AK9: variants seen among roughly 807,000 people sequenced by gnomAD.
AK9 encodes adenylate kinase domain containing 1.
In AK9, 191 loss-of-function variants were observed where a neutral mutation model predicts 239.6. The ratio of observed to expected loss-of-function variants is 0.80; its 90% confidence interval spans 0.71 to 0.90. AK9 has a LOEUF of 0.90. Among genes scored for constraint, AK9 ranks in the 40% least tolerant of loss-of-function variants. The pLI is 0.00. For synonymous variants in AK9, 689 were observed against 721.0 expected, an observed-to-expected ratio of 0.96 and a Z score of 0.71; for missense variants, 1,995 against 2,214.7, an observed-to-expected ratio of 0.90 and a Z score of 1.99.
chr6:109,570,219 A>C (rs1219381479), intron 21 of AK9, among the ~76,000 whole-genome samples: 1 of 152,054 alleles, frequency 6.6e-6, no homozygotes, highest in African/African-American at 2.4e-5. Context: ...TCATAGGTGG[A>C]AATTGAACAA....
chr6:109,545,518 C>T (rs1421640823), intron 26 of AK9, among the ~76,000 whole-genome samples: 2 of 152,208 alleles, frequency 1.3e-5, no homozygotes, highest in East Asian at 1.9e-4. Flanking sequence ...TTTCCCTGCA[C>T]AAGCTCTCTC....
At chr6:109,655,682 G>C (rs898788364) in intron 8 of AK9, among the ~76,000 whole-genome samples, 1 of 152,120 alleles carries the variant, frequency 6.6e-6, no homozygotes, top group Non-Finnish European at 1.5e-5. Context: ...TTCTTAAAAA[G>C]ATAACCTCTG....
intron 19 of AK9, among the ~76,000 whole-genome samples, chr6:109,580,733 G>A (rs1034185560): frequency 6.6e-6 from 1 of 152,100 alleles, no homozygotes; most frequent in African/African-American, 2.4e-5. Flanking sequence ...TGTTCCTGCC[G>A]GAAGTCTTGG....
intron 33 of AK9, among the ~76,000 whole-genome samples, chr6:109,507,012 C>G (rs1172046752): frequency 6.6e-6 from 1 of 152,174 alleles, no homozygotes; most frequent in Non-Finnish European, 1.5e-5. Flanking sequence ...CACATCCAAA[C>G]ACAGTTCAGA....
At chr6:109,632,480 G>T in intron 12 of AK9, 1 of 330,548 alleles carries the variant, frequency 3.0e-6, no homozygotes, top group Non-Finnish European at 4.3e-6. Flanking sequence ...TACTGAGAGT[G>T]GAGAACAAGA....
At chr6:109,555,469 G>A (rs1162092419) in intron 24 of AK9, among the ~76,000 whole-genome samples, 1 of 152,226 alleles carries the variant, frequency 6.6e-6, no homozygotes, top group East Asian at 1.9e-4. Flanking sequence ...ATGTGGCACT[G>A]AGAAGAATAT....
intron 8 of AK9, among the ~76,000 whole-genome samples, chr6:109,649,703 A>T (rs577399976): frequency 6.6e-6 from 1 of 152,334 alleles, no homozygotes; most frequent in African/African-American, 2.4e-5. Flanking sequence ...CAAGCTACCA[A>T]TGACTTTCTT....
intron 17 of AK9, among the ~76,000 whole-genome samples, chr6:109,607,768 G>GGT (rs10648225): frequency 0.15 from 22,082 of 145,254 alleles, 2,257 homozygotes; most frequent in East Asian, 0.6. Context: ...CCAGCAGAGG[G>GGT]GTGTGTGTGT....
At chr6:109,603,382 C>G (rs934912451) in intron 17 of AK9, among the ~76,000 whole-genome samples, 4 of 152,230 alleles carry the variant, frequency 2.6e-5, no homozygotes, top group Non-Finnish European at 5.9e-5. Context: ...GGCTGCAGTA[C>G]AGCGAATATT....
At chr6:109,691,116 T>C (rs192233880) in intron 1 of AK9, 31 bp downstream of exon 1, 110 of 503,608 alleles carry the variant, frequency 2.2e-4, no homozygotes, top group African/African-American at 2.0e-3. Context: ...CGTCGACTTT[T>C]TCTCCGCCCA....
At chr6:109,636,995 GC>G (rs1314989713) in intron 10 of AK9, among the ~76,000 whole-genome samples, 6 of 152,094 alleles carry the variant, frequency 3.9e-5, no homozygotes, top group Non-Finnish European at 8.8e-5. Context: ...TTAAACAGCA[GC>G]TGTACCATTT....
intron 24 of AK9, among the ~76,000 whole-genome samples, chr6:109,561,253 GCC>G (rs1785728911): frequency 6.6e-6 from 1 of 150,856 alleles, no homozygotes; most frequent in Non-Finnish European, 1.5e-5. Flanking sequence ...TGCCCAGCTT[GCC>G]TTCGTTTTTA....
intron 29 of AK9, 57 bp from the exon 30 acceptor site, chr6:109,516,699 T>C (rs1779309823): frequency 7.2e-7 from 1 of 1,388,210 alleles, no homozygotes; most frequent in East Asian, 2.5e-5. Context: ...CAAAAGACAC[T>C]ATTAACAAAT....
intron 28 of AK9, among the ~76,000 whole-genome samples, chr6:109,531,078 T>C (rs1158346428): frequency 1.3e-5 from 2 of 152,048 alleles, no homozygotes; most frequent in Non-Finnish European, 2.9e-5. Context: ...AACTACCAGA[T>C]ACGGGATTGC....
chr6:109,523,586 C>G (rs1236009653), intron 29 of AK9, among the ~76,000 whole-genome samples: 5 of 152,038 alleles, frequency 3.3e-5, no homozygotes, highest in Non-Finnish European at 7.4e-5. Flanking sequence ...TGTTCATTTG[C>G]CGAGAGGGCA....
chr6:109,533,669 CTG>C (rs1781571687), intron 27 of AK9, among the ~76,000 whole-genome samples, 199 bp from the exon 28 acceptor site: 2 of 151,974 alleles, frequency 1.3e-5, no homozygotes, highest in Admixed American at 6.6e-5. Context: ...TATCAACTAT[CTG>C]TATGTAATGA....
chr6:109,577,888 TTCTC>T (rs748772685), intron 20 of AK9, among the ~76,000 whole-genome samples: 6 of 101,304 alleles, frequency 5.9e-5, no homozygotes, highest in Non-Finnish European at 8.1e-5. Flanking sequence ...CCTTCTTTCC[TTCTC>T]TCTCTCTTTC....
At chr6:109,591,726 T>G (rs1790271530) in intron 17 of AK9, among the ~76,000 whole-genome samples, 1 of 152,188 alleles carries the variant, frequency 6.6e-6, no homozygotes, top group African/African-American at 2.4e-5. Context: ...TTGTTGTAGG[T>G]ACAGTCTAGT....
intron 21 of AK9, among the ~76,000 whole-genome samples, chr6:109,571,861 A>G (rs1787451179): frequency 6.6e-6 from 1 of 152,182 alleles, no homozygotes; most frequent in African/African-American, 2.4e-5. Flanking sequence ...GGAATAATTG[A>G]CAAAACTTAT....
Sources: allele counts gnomAD v4.1 joint callset (sites outside exome capture counted in the v4.1 genomes callset), GRCh38; gene constraint gnomAD v4.1.1; transcripts MANE v1.5; gene names NCBI Gene and HGNC (gene_info 2026-07-23, HGNC 2026-07-21).